The following ABCC8 variants were observed in gnomAD, a reference collection of about 807,000 sequenced individuals.
The protein encoded by ABCC8 is ATP-binding cassette sub-family C member 8.
In ABCC8, 137 loss-of-function variants were observed where a neutral mutation model predicts 188.0. The ratio of observed to expected loss-of-function variants is 0.73; its 90% CI spans 0.63 to 0.84. The LOEUF (loss-of-function observed/expected upper bound fraction) is 0.84, where lower values mean the gene tolerates loss of function less well. ABCC8 is among the 40% of genes least tolerant of loss of function. ABCC8 has a pLI of 0.00. For missense variants in ABCC8, 1,750 were observed against 2,072.7 expected (o/e 0.84, Z 3.02); for synonymous variants, 797 against 846.5 (o/e 0.94, Z 1.01).
At chr11:17,473,522 G>C (rs1399311236) in intron 2 of ABCC8, among the ~76,000 whole-genome samples, 1 of 152,122 alleles carries the variant, frequency 6.6e-6, no homozygotes, top group African/African-American at 2.4e-5. Context: ...AGTGCAGTCT[G>C]GGTATAATCT....
At chr11:17,474,834 G>A in intron 2 of ABCC8, 52 bp downstream of exon 2, 1 of 1,593,808 alleles carries the variant, frequency 6.3e-7, no homozygotes, top group Non-Finnish European at 8.6e-7. Context: ...GGGCCTTTCA[G>A]GAAGTACCCT....
intron 21 of ABCC8, 30 bp downstream of exon 21, chr11:17,412,636 G>T: frequency 6.2e-7 from 1 of 1,600,176 alleles, no homozygotes. Flanking sequence ...GGCAGCCAGA[G>T]ACCAGGACCC....
In ABCC8 at chr11:17,427,511, C is replaced by G. The variant is rs1224937394; in HGVS notation, c.2116+356G>C. Among the ~76,000 whole-genome samples, 2 of 152,216 alleles carry G rather than the reference C, an allele frequency of 1.3e-5. No homozygotes were observed. The highest frequency in any genetic ancestry group is 3.9e-4 in the East Asian group (2 of 5,184). On this transcript the variant is annotated intron_variant, in intron 15 of 38. Transcript: ENST00000389817. The surrounding 1 kb of genome is among the most constrained non-coding windows in gnomAD (Gnocchi z 5.0). ...CATACTTTGCTCATGGCTGCCTCTGCCAGAAAATCCTCCTGCCTCATGGCC... is the reference window on the plus strand; with the variant it reads ...CATACTTTGCTCATGGCTGCCTCTGGCAGAAAATCCTCCTGCCTCATGGCC...
intron 10 of ABCC8, among the ~76,000 whole-genome samples, chr11:17,437,473 G>A (rs1369205283): frequency 2.6e-5 from 4 of 152,258 alleles, no homozygotes; most frequent in Non-Finnish European, 5.9e-5. Flanking sequence ...GCCTGTGCAG[G>A]GCCAGGGGAG....
chr11:17,473,138 A>G (rs1033957727), intron 2 of ABCC8, among the ~76,000 whole-genome samples: 10 of 152,342 alleles, frequency 6.6e-5, no homozygotes, highest in African/African-American at 2.2e-4. Context: ...GCTGGTACAC[A>G]GCAGCAGTGC....
chr11:17,405,486 C>T lies in ABCC8; in HGVS notation c.3399+8G>A, dbSNP rs1954472055. ...GAAGGGGGGATAGTGTGGCACGGTC[C>T]TCTGTACCTGGTCGATGGTGTTACA... On this transcript the variant is annotated splice_region_variant and intron_variant, in intron 27 of 38. Coordinates refer to ENST00000389817, the MANE Select transcript of ABCC8 (RefSeq NM_000352.6). The T allele has an allele frequency of 6.2e-7, 1 of 1,614,222 alleles. No homozygotes were observed. The highest frequency in any genetic ancestry group is 8.5e-7 in the Non-Finnish European group (1 of 1,180,038).
chr11:17,455,595 G>T (rs1159870218), intron 6 of ABCC8, among the ~76,000 whole-genome samples: 1 of 152,090 alleles, frequency 6.6e-6, no homozygotes, highest in African/African-American at 2.4e-5. Flanking sequence ...TCTCTTCAAA[G>T]AGTTGGTTTA....
At chr11:17,408,199 C>T in intron 23 of ABCC8, 193 bp downstream of exon 23, 1 of 566,302 alleles carries the variant, frequency 1.8e-6, no homozygotes, top group Non-Finnish European at 3.1e-6. Context: ...AAGGTGCCCA[C>T]CTGATTCTGC....
intron 10 of ABCC8, among the ~76,000 whole-genome samples, chr11:17,441,717 G>A (rs958641855): frequency 1.2e-4 from 18 of 152,152 alleles, no homozygotes; most frequent in South Asian, 2.1e-4. Context: ...CCTGACCTCC[G>A]TAAGCCCTCA....
chr11:17,442,962 T>C, intron 9 of ABCC8, 80 bp from the exon 10 acceptor site: 1 of 1,597,724 alleles, frequency 6.3e-7, no homozygotes, highest in Non-Finnish European at 8.5e-7. Context: ...GTCAATACTG[T>C]CACTGCCATG....
chr11:17,432,401 C>T (rs1319719215), intron 10 of ABCC8, 157 bp from the exon 11 acceptor site: 6 of 1,450,206 alleles, frequency 4.1e-6, no homozygotes, highest in Non-Finnish European at 5.6e-6. Context: ...TGTGGCACTT[C>T]CAGTTCCTCA....
rs369426518 is a variant in ABCC8 at position 17,413,462 on chromosome 11, C to T, written c.2407G>A (p.Glu803Lys). Residue 803 changes from glutamate (E) to lysine (K), a missense_variant, in exon 20 of 39, where the codon GAA (glutamate) becomes AAA (lysine). Physicochemically the swap from Glu to Lys is moderately conservative, Grantham distance 56. Coordinates refer to ENST00000389817, the MANE Select transcript of ABCC8 (RefSeq NM_000352.6). ...FNKQRYKMVI[E>K]ACSLQPDIDI... ...ATGTCTGGCTGCAGAGAGCAGGCTT[C>T]AATGACCATCTTGTACCTGGCGTGG... 3 of 1,613,920 alleles carry T rather than the reference C, an allele frequency of 1.9e-6. No homozygotes were observed. The highest frequency in any genetic ancestry group is 2.7e-5 in the African/African-American group (2 of 74,922).
At chr11:17,413,966 T>C (rs1954941385) in intron 19 of ABCC8, among the ~76,000 whole-genome samples, 1 of 152,188 alleles carries the variant, frequency 6.6e-6, no homozygotes, top group Non-Finnish European at 1.5e-5. Context: ...ACTTAGGTGT[T>C]AGGCAGCTTT....
rs767963788 is a variant in ABCC8 at position 17,430,847 on chromosome 11, C to A, written c.1784G>T (p.Ser595Ile). 13 of 1,614,120 alleles carry A rather than the reference C, an allele frequency of 8.1e-6. No individual in the cohort carries two copies. The highest frequency in any genetic ancestry group is 1.3e-5 in the African/African-American group (1 of 74,948). Residue 595 changes from serine to isoleucine, a missense_variant, in exon 12 of 39, where the codon AGT becomes ATT. Physicochemically the swap from Ser to Ile is moderately radical, Grantham distance 142 (BLOSUM62 -2). Coordinates refer to ENST00000389817, the MANE Select transcript of ABCC8 (RefSeq NM_000352.6). ...AGCTTTGACGGTAGATCGGACCACA[C>A]TGGACAGCAGGAACAGCGGTGTGAC... ...ILVTPLFLLS[S>I]VVRSTVKALV...
At chr11:17,412,897 C>A in intron 20 of ABCC8, 151 bp from the exon 21 acceptor site, 1 of 1,489,118 alleles carries the variant, frequency 6.7e-7, no homozygotes, top group South Asian at 1.3e-5. Context: ...GGAACTTGCA[C>A]GTGTTTACTG....
intron 11 of ABCC8, 133 bp from the exon 12 acceptor site, chr11:17,431,092 A>G: frequency 7.1e-7 from 1 of 1,399,418 alleles, no homozygotes; most frequent in Non-Finnish European, 9.7e-7. Flanking sequence ...TTTTAGTTGG[A>G]GACACCTTCA....
At chr11:17,431,924 C>G (rs1249386529) in intron 11 of ABCC8, among the ~76,000 whole-genome samples, 1 of 152,234 alleles carries the variant, frequency 6.6e-6, no homozygotes, top group Non-Finnish European at 1.5e-5. Flanking sequence ...ACATGTTTCA[C>G]TTTAAAAATT....
At position 17,450,324 on chromosome 11, in the gene ABCC8, T is replaced by TTCTCTC. The variant is rs576893666; in HGVS notation, c.1177-1659_1177-1654dup. Among the ~76,000 whole-genome samples, 40 of 75,714 alleles carry TTCTCTC rather than the reference T, an allele frequency of 5.3e-4. 2 individuals carry two copies. The highest frequency in any genetic ancestry group is 2.0e-3 in the African/African-American group (34 of 17,078). The allele number at this position is 75,714 out of a possible 152,430, so 49.7% of individuals were successfully genotyped here. A position where few individuals can be genotyped will look rare whatever the true frequency, so the allele number is the denominator to read the frequency against. On this transcript the variant is annotated intron_variant, in intron 7 of 38. Transcript: ENST00000389817. Reference sequence around the variant, plus strand: ...TTTCTTTCTTTCTTTCTTTCTTTCTTTCTCTCTCTCTCTTTCCTTTCTTTC... The same window carrying TTCTCTC: ...TTTCTTTCTTTCTTTCTTTCTTTCTTTCTCTCTCTCTCTCTCTCTTTCCTTTCTTTC...
At chr11:17,450,657 A>C (rs1265242859) in intron 7 of ABCC8, among the ~76,000 whole-genome samples, 2 of 141,790 alleles carry the variant, frequency 1.4e-5, no homozygotes, top group Admixed American at 1.5e-4. Flanking sequence ...TTGGCCTCCC[A>C]AAGTGCTGGG....
Sources: allele counts gnomAD v4.1 joint callset (sites outside exome capture counted in the v4.1 genomes callset), GRCh38; gene constraint gnomAD v4.1.1; non-coding constraint Gnocchi (gnomAD v3.1); transcripts MANE v1.5; gene names NCBI Gene and HGNC (gene_info 2026-07-23, HGNC 2026-07-21).